Variants in GAREM2 observed in about 807,000 individuals in gnomAD.
The protein encoded by GAREM2 is GRB2 associated regulator of MAPK1 subtype 2.
GAREM2 carries 30 observed loss-of-function variants against 55.6 expected under a neutral mutation model. The observed-to-expected ratio is 0.54, with a 90% CI of 0.40 to 0.73. The LOEUF is 0.73. Among genes scored for constraint, GAREM2 ranks in the 30% least tolerant of loss-of-function variants. GAREM2 has a pLI of 0.00. For missense variants in GAREM2, 1,075 were observed against 1,257.7 expected (o/e 0.85, Z 2.20); for synonymous variants, 550 against 569.1 (o/e 0.97, Z 0.48).
At chr2:26,202,848 A>C in the GAREM2 span, among the ~76,000 whole-genome samples, 11 of 152,276 alleles carry the variant, frequency 7.2e-5, no homozygotes, top group African/African-American at 2.7e-4. Flanking sequence ...CATTCAAAAC[A>C]TTATCAGTTG....
chr2:26,187,160 C>T (rs1382355364), intron 5 of GAREM2, 71 bp from the exon 6 acceptor site: 4 of 1,385,700 alleles, frequency 2.9e-6, no homozygotes, highest in Middle Eastern at 2.0e-4. Context: ...GGTTGCAATG[C>T]ATGTGTGACC....
intron 3 of GAREM2, 141 bp from the exon 4 acceptor site, chr2:26,184,091 TG>T: frequency 7.8e-7 from 1 of 1,276,410 alleles, no homozygotes; most frequent in Non-Finnish European, 1.1e-6. Context: ...AGGATGAACG[TG>T]GATCTCCTGG....
chr2:26,195,173 C>T, the GAREM2 span: 29 of 1,611,910 alleles, frequency 1.8e-5, no homozygotes, highest in Middle Eastern at 9.9e-4. Context: ...TTTTCTCGGT[C>T]GTGATAATCT....
chr2:26,194,318 T>TG (rs1002481883), downstream of GAREM2, among the ~76,000 whole-genome samples: 3 of 151,988 alleles, frequency 2.0e-5, no homozygotes, highest in African/African-American at 2.4e-5. Context: ...GAAGACATGC[T>TG]GGGGGGTGGG....
the GAREM2 span, chr2:26,197,897 C>T: frequency 6.6e-5 from 48 of 729,852 alleles, no homozygotes; most frequent in African/African-American, 7.4e-4. Context: ...ACTGCTCAGA[C>T]AGTAGATGTC....
At chr2:26,182,411 G>A in intron 2 of GAREM2, 3 of 1,549,812 alleles carry the variant, frequency 1.9e-6, no homozygotes, top group South Asian at 1.2e-5. Context: ...GGGCCTTCAA[G>A]GGCTGGGCCA....
chr2:26,190,004 GCTCT>G (rs1277745703), downstream of GAREM2, among the ~76,000 whole-genome samples: 1 of 152,234 alleles, frequency 6.6e-6, no homozygotes, highest in South Asian at 2.1e-4. Flanking sequence ...CCGGCTTCAG[GCTCT>G]CTCAGACCAA....
At chr2:26,194,659 A>G (rs1669611773), downstream of GAREM2, 1 of 1,535,150 alleles carries the variant, frequency 6.5e-7, no homozygotes, top group East Asian at 2.2e-5. Context: ...AGAGAACATG[A>G]GCTCCCTGGC....
At chr2:26,204,051 A>G in the GAREM2 span, 1 of 1,613,200 alleles carries the variant, frequency 6.2e-7, no homozygotes, top group Non-Finnish European at 8.5e-7. Context: ...AAAGAGAGAG[A>G]GCAGGCTTAC....
chr2:26,184,164 TCTGGGAGCTGGCCGTGTGGCTTTCC>T, intron 3 of GAREM2, 44 bp from the exon 4 acceptor site: 1 of 1,531,926 alleles, frequency 6.5e-7, no homozygotes, highest in Admixed American at 2.0e-5. Flanking sequence ...CTTTCCAGTC[TCTGGGAGCTGGCCGTGTGGCTTTCC>T]CTGGGACCTG....
intron 2 of GAREM2, chr2:26,180,899 G>A: frequency 2.0e-6 from 2 of 985,450 alleles, no homozygotes; most frequent in Non-Finnish European, 2.4e-6. Context: ...TTACAAGCGT[G>A]AGCCACCGTG....
At chr2:26,195,086 C>T in the GAREM2 span, 1 of 1,611,190 alleles carries the variant, frequency 6.2e-7, no homozygotes, top group Admixed American at 1.7e-5. Context: ...TTATACAGCC[C>T]CTTACCTTAA....
intron 1 of GAREM2, among the ~76,000 whole-genome samples, 199 bp downstream of exon 1, chr2:26,173,531 A>T (rs1246023143): frequency 1.3e-5 from 2 of 151,502 alleles, no homozygotes; most frequent in Non-Finnish European, 2.9e-5. Flanking sequence ...CCCCGCGGAC[A>T]AGCACAGGCA....
At chr2:26,176,242 CAG>C (rs1371213076) in intron 1 of GAREM2, 100 bp from the exon 2 acceptor site, 18 of 1,173,558 alleles carry the variant, frequency 1.5e-5, no homozygotes, top group East Asian at 2.9e-5. Context: ...AGCTGTCCCT[CAG>C]GGGGGCGGTC....
chr2:26,188,058 T>C lies in GAREM2; in HGVS notation c.2426T>C (p.Leu809Pro). ...SWQPPADLSA[L>P]SLEEVSRSLR... ...CAGCCCCCTGCTGACCTGTCTGCAC[T>C]CTCCCTGGAGGAGGTCTCTCGCAGT... The change falls in exon 6 of 6, where the codon CTC becomes CCC. Residue 809 changes from leucine to proline, a missense_variant. This residue lies in a region of GAREM2 where 142 missense variants were observed against 172.3 expected (regional missense o/e 0.82). Coordinates refer to ENST00000401533, the MANE Select transcript of GAREM2 (RefSeq NM_001168241.2). The C allele has an allele frequency of 6.5e-7, 1 of 1,537,574 alleles. No homozygotes were observed. The highest frequency in any genetic ancestry group is 8.8e-7 in the Non-Finnish European group (1 of 1,137,734).
chr2:26,193,832 C>T, downstream of GAREM2: 1 of 1,319,486 alleles, frequency 7.6e-7, no homozygotes, highest in Non-Finnish European at 1.1e-6. Context: ...CCCCAAAGGG[C>T]TCCCTGTACT....
At chr2:26,194,436 C>T, downstream of GAREM2, 1 of 725,512 alleles carries the variant, frequency 1.4e-6, no homozygotes, top group Middle Eastern at 2.3e-4. Flanking sequence ...AGAGAGAGGG[C>T]ACCAGGGACC....
At chr2:26,195,001 G>A in the GAREM2 span, 10 of 1,088,924 alleles carry the variant, frequency 9.2e-6, no homozygotes, top group Non-Finnish European at 1.4e-5. Flanking sequence ...CTGGTCATTT[G>A]CCCCAGAATA....
chr2:26,182,055 A>C (rs1031883090), intron 2 of GAREM2: 1 of 1,018,178 alleles, frequency 9.8e-7, no homozygotes, highest in East Asian at 9.4e-5. Context: ...CTCTCTTCCT[A>C]CTGTATAAAG....
Sources: gnomAD v4.1 joint callset for allele counts (sites outside exome capture counted in the v4.1 genomes callset) on GRCh38, gnomAD v4.1.1 for gene constraint, gnomAD v4.1.1 regional missense constraint, MANE v1.5 for transcripts, NCBI Gene and HGNC (gene_info 2026-07-23, HGNC 2026-07-21) for gene names.